LONP2: variants seen among roughly 807,000 people sequenced by gnomAD.
The protein encoded by LONP2 is lon protease homolog 2, peroxisomal.
LONP2 carries 60 observed loss-of-function variants against 85.6 expected under a neutral mutation model. The observed-to-expected ratio is 0.70, with a 90% confidence interval of 0.57 to 0.87. The LOEUF is 0.87. Ranked by LOEUF, LONP2 falls within the 40% of genes least tolerant of loss-of-function variation. LONP2 has a pLI of 0.00. For missense variants in LONP2, 860 were observed against 1,063.5 expected, an observed-to-expected ratio of 0.81 and a Z score of 2.66; for synonymous variants, 395 against 389.7, an observed-to-expected ratio of 1.01 and a Z score of -0.16.
chr16:48,354,145 A>C lies in LONP2; in HGVS notation c.*2343A>C, dbSNP rs1359186268. 3.1e-5 allele frequency: 4 copies of C among 128,164 alleles called. No individual in the cohort carries two copies. The highest frequency in any genetic ancestry group is 4.8e-5 in the Non-Finnish European group (3 of 62,726). The allele number at this position is 128,164 out of a possible 1,614,324, so 7.9% of individuals were successfully genotyped here. A position where few individuals can be genotyped will look rare whatever the true frequency, so the allele number is the denominator to read the frequency against. ...GCCAAAATTTTAACCATTTTTAAGC[A>C]TATAATTTGGGGGTATCAGTTACTG... On this transcript the variant is annotated 3_prime_UTR_variant, in exon 15 of 15. Transcript: ENST00000285737.
Position 48,244,498 on chromosome 16 carries a change from G to A in LONP2, c.110G>A (p.Arg37His). The A allele has an allele frequency of 1.3e-6, 2 of 1,596,560 alleles. No homozygotes were observed. The highest frequency in any genetic ancestry group is 8.5e-7 in the Non-Finnish European group (1 of 1,175,554). Reference protein sequence around the residue: ...STMRTSVDSARNLQLVRSRLL... With the variant: ...STMRTSVDSAHNLQLVRSRLL... ...ATGCGCACCAGCGTGGACTCGGCCC[G>A]CAACCTGCAGCTGGTGCGGAGCCGC... Residue 37 changes from arginine to histidine, a missense_variant, in exon 1 of 15, where the codon CGC (arginine) becomes CAC (histidine). Physicochemically the swap from Arg to His is conservative, Grantham distance 29. Transcript: ENST00000285737.
chr16:48,347,478 C>T, intron 12 of LONP2, 29 bp from the exon 13 acceptor site: 1 of 1,612,620 alleles, frequency 6.2e-7, no homozygotes, highest in Non-Finnish European at 8.5e-7. Context: ...ATTTGCCAAC[C>T]CAACTCTGAT....
chr16:48,277,578 G>T, intron 8 of LONP2, 99 bp downstream of exon 8: 1 of 1,191,900 alleles, frequency 8.4e-7, no homozygotes, highest in Non-Finnish European at 1.1e-6. Context: ...TGTAGCTTTA[G>T]TTATGGGAAA....
rs557894298 is a variant in LONP2 at position 48,337,660 on chromosome 16, C to G, written c.1938+3302C>G. On this transcript the variant is annotated intron_variant, in intron 12 of 14. Coordinates refer to ENST00000285737, the MANE Select transcript of LONP2 (RefSeq NM_031490.5). Reference sequence around the variant, plus strand: ...CAGAGAGCTCACAGGTGGACCTGAGCAGGGCGTCTGTTCTTTGCACCTCAC... The same window carrying G: ...CAGAGAGCTCACAGGTGGACCTGAGGAGGGCGTCTGTTCTTTGCACCTCAC... 2.0e-5 allele frequency among the ~76,000 whole-genome samples: 3 copies of G among 152,282 alleles called. No individual in the cohort carries two copies. In the East Asian group the frequency reaches 5.8e-4, roughly 29 times the overall value.
intron 1 of LONP2, among the ~76,000 whole-genome samples, chr16:48,250,172 A>C (rs1316021193): frequency 6.6e-6 from 1 of 151,398 alleles, no homozygotes. Flanking sequence ...GCTGGGCGAC[A>C]GGGTGAGACT....
chr16:48,244,639 CG>C lies in LONP2; in HGVS notation c.233+19del. The C allele has an allele frequency of 7.5e-7, 1 of 1,340,296 alleles. No homozygotes were observed. Among genetic ancestry groups the C allele is most frequent in the Non-Finnish European group, 9.5e-7 (1 of 1,049,050 alleles). The allele number at this position is 1,340,296 out of a possible 1,614,324, so 83.0% of individuals were successfully genotyped here. A position where few individuals can be genotyped will look rare whatever the true frequency, so the allele number is the denominator to read the frequency against. On this transcript the variant is annotated intron_variant, in intron 1 of 14. Coordinates refer to ENST00000285737, the MANE Select transcript of LONP2 (RefSeq NM_031490.5). ...CTGCACAGGTAGGCCTGGCTGCCCC[CG>C]CGGCGGCGGCGGGCGGCGCGGCCTC...
chr16:48,359,695 G>A (rs975719694), downstream of LONP2, among the ~76,000 whole-genome samples: 3 of 151,394 alleles, frequency 2.0e-5, no homozygotes, highest in Admixed American at 6.6e-5. Flanking sequence ...CAGCCTGGGT[G>A]ACAAGAGTAA....
intron 11 of LONP2, among the ~76,000 whole-genome samples, chr16:48,325,339 A>G (rs1953767352): frequency 6.6e-6 from 1 of 152,180 alleles, no homozygotes. Context: ...GGACCCCTGC[A>G]GTAGAACACC....
At chr16:48,351,499 T>C in intron 14 of LONP2, 82 bp from the exon 15 acceptor site, 3 of 1,069,788 alleles carry the variant, frequency 2.8e-6, no homozygotes, top group Middle Eastern at 2.1e-4. Context: ...AGTGGTTAAA[T>C]TCAGTGAAAG....
At chr16:48,335,930 G>A (rs763997983) in intron 12 of LONP2, among the ~76,000 whole-genome samples, 11 of 152,194 alleles carry the variant, frequency 7.2e-5, no homozygotes, top group Non-Finnish European at 1.5e-4. Context: ...AAGAACTTGA[G>A]CAAAACATTG....
At chr16:48,304,457 A>C (rs1972870031) in intron 11 of LONP2, among the ~76,000 whole-genome samples, 1 of 152,178 alleles carries the variant, frequency 6.6e-6, no homozygotes, top group South Asian at 2.1e-4. Context: ...TGATCCCAGC[A>C]CTTTGGAAGG....
intron 14 of LONP2, among the ~76,000 whole-genome samples, chr16:48,351,092 C>T (rs572662491): frequency 6.6e-6 from 1 of 152,318 alleles, no homozygotes; most frequent in Admixed American, 6.5e-5. Context: ...TGTTTGAAAG[C>T]CACCATAGGA....
chr16:48,318,891 A>G (rs1042718062), intron 11 of LONP2, among the ~76,000 whole-genome samples: 7 of 151,876 alleles, frequency 4.6e-5, no homozygotes, highest in African/African-American at 1.7e-4. Flanking sequence ...AGCATGCTTT[A>G]TGCTAGTTAT....
At chr16:48,279,320 G>A (rs1972277333) in intron 8 of LONP2, among the ~76,000 whole-genome samples, 1 of 152,126 alleles carries the variant, frequency 6.6e-6, no homozygotes, top group Non-Finnish European at 1.5e-5. Context: ...TCAACAGTGA[G>A]TTCCACAATA....
intron 11 of LONP2, among the ~76,000 whole-genome samples, chr16:48,316,323 C>CTTTTTTTT (rs776343152): frequency 9.4e-6 from 1 of 106,008 alleles, no homozygotes. Context: ...CCATTGGATT[C>CTTTTTTTT]TTTTTTTTTT....
intron 11 of LONP2, among the ~76,000 whole-genome samples, chr16:48,327,239 G>A (rs2151019606): frequency 6.6e-6 from 1 of 152,224 alleles, no homozygotes; most frequent in East Asian, 1.9e-4. Context: ...GGTATTAATA[G>A]GCCAATAATA....
intron 14 of LONP2, among the ~76,000 whole-genome samples, chr16:48,349,929 G>A (rs1960087069): frequency 6.6e-6 from 1 of 152,204 alleles, no homozygotes; most frequent in African/African-American, 2.4e-5. Flanking sequence ...CCTCAGCACT[G>A]ACACTGGATG....
chr16:48,348,039 T>G (rs1336430465), intron 13 of LONP2, 61 bp from the exon 14 acceptor site: 26 of 1,439,740 alleles, frequency 1.8e-5, no homozygotes, highest in Non-Finnish European at 2.4e-5. Flanking sequence ...ACTTTTTTTT[T>G]AGGAGAAAAA....
intron 8 of LONP2, among the ~76,000 whole-genome samples, chr16:48,289,263 G>C (rs530975774): frequency 6.6e-6 from 1 of 152,286 alleles, no homozygotes; most frequent in South Asian, 2.1e-4. Context: ...GACGACACGT[G>C]CCCAAGGTGG....
Sources: gnomAD v4.1 joint callset for allele counts (sites outside exome capture counted in the v4.1 genomes callset) on GRCh38, gnomAD v4.1.1 for gene constraint, MANE v1.5 for transcripts, NCBI Gene and HGNC (gene_info 2026-07-23, HGNC 2026-07-21) for gene names.